SLIT3: variants seen among roughly 807,000 people sequenced by gnomAD.
SLIT3 encodes the protein slit guidance ligand 3, also known as slit homolog 3 protein.
In SLIT3, 68 loss-of-function variants were observed where a neutral mutation model predicts 184.0. That is an observed-to-expected ratio of 0.37 (90% CI 0.30 to 0.45). The LOEUF is 0.45. SLIT3 is among the 20% of genes least tolerant of loss of function. The probability of loss-of-function intolerance (pLI) is 1.00; values close to 1 mark genes in which losing one functional copy is unlikely to be tolerated. For synonymous variants in SLIT3, 831 were observed against 828.6 expected, an observed-to-expected ratio of 1.00 and a Z score of -0.05; for missense variants, 1,707 against 2,026.0, an observed-to-expected ratio of 0.84 and a Z score of 3.02.
Position 169,005,448 on chromosome 5 carries a change from T to TGAACG in SLIT3, c.414-122117_414-122113dup, listed in dbSNP as rs369879034. 2.5e-3 allele frequency among the ~76,000 whole-genome samples: 388 copies of TGAACG among 152,248 alleles called. 1 individual carries two copies. Among genetic ancestry groups the TGAACG allele is most frequent in the African/African-American group, 8.6e-3 (356 of 41,536 alleles). On this transcript the variant is annotated intron_variant, in intron 4 of 35. Transcript: ENST00000519560. ...GGAGAGTTCCTGGCCCATGGCAAGG[T>TGAACG]GAACGGTAAACATTATAACCAGTGT...
rs932219991 is a variant in SLIT3 at position 168,868,923 on chromosome 5, T to C, written c.485+14342A>G. Among the ~76,000 whole-genome samples the C allele has an allele frequency of 2.6e-5, 4 of 152,190 alleles. 1 individual carries two copies. The South Asian group carries it at 8.3e-4, about 32-fold the overall frequency. On this transcript the variant is annotated intron_variant, in intron 5 of 35. Transcript: ENST00000519560. Reference sequence around the variant, plus strand: ...GAAAGAGAAAATCTCACCTATTCTATTGGAGAATGGGATCTTTCTGGGGTA... The same window carrying C: ...GAAAGAGAAAATCTCACCTATTCTACTGGAGAATGGGATCTTTCTGGGGTA...
At chr5:168,841,636 C>T (rs1758255109) in intron 6 of SLIT3, among the ~76,000 whole-genome samples, 1 of 152,160 alleles carries the variant, frequency 6.6e-6, no homozygotes, top group African/African-American at 2.4e-5. Flanking sequence ...GGCTCACCTC[C>T]AATGTTCTCA....
chr5:168,714,161 A>G (rs1182171038), intron 23 of SLIT3, among the ~76,000 whole-genome samples: 2 of 152,212 alleles, frequency 1.3e-5, no homozygotes, highest in African/African-American at 2.4e-5. Flanking sequence ...CGAGTAAGGA[A>G]GAGCTAGAAG....
Position 169,148,481 on chromosome 5 carries a change from G to A in SLIT3, c.413+44998C>T, listed in dbSNP as rs182897257. 1.0e-3 allele frequency among the ~76,000 whole-genome samples: 158 copies of A among 152,334 alleles called. 1 individual carries two copies. Among genetic ancestry groups the A allele is most frequent in the Non-Finnish European group, 1.6e-3 (109 of 68,024 alleles). On this transcript the variant is annotated intron_variant, in intron 4 of 35. Coordinates refer to ENST00000519560, the MANE Select transcript of SLIT3 (RefSeq NM_003062.4). ...ATTTGGAATAAACATGTTTGGTGCT[G>A]CTAGCAGAGGTGTTTGTTTGCCTTC...
intron 16 of SLIT3, among the ~76,000 whole-genome samples, 199 bp downstream of exon 16, chr5:168,760,663 A>G (rs901974523): frequency 2.0e-5 from 3 of 152,072 alleles, no homozygotes; most frequent in African/African-American, 7.2e-5. Context: ...ATAACACTCA[A>G]CTGAAACCAT....
chr5:168,730,796 C>G (rs1396694409), intron 20 of SLIT3, among the ~76,000 whole-genome samples: 2 of 151,836 alleles, frequency 1.3e-5, no homozygotes, highest in East Asian at 3.9e-4. Context: ...AATTAACAAC[C>G]TAACATCATA....
chr5:168,757,504 G>T (rs1270625515), intron 16 of SLIT3, among the ~76,000 whole-genome samples: 1 of 152,078 alleles, frequency 6.6e-6, no homozygotes, highest in Non-Finnish European at 1.5e-5. Flanking sequence ...TGGGATCTCG[G>T]CTCACTGGAA....
At chr5:169,212,561 G>A (rs923597061) in intron 3 of SLIT3, among the ~76,000 whole-genome samples, 6 of 152,038 alleles carry the variant, frequency 3.9e-5, no homozygotes, top group Non-Finnish European at 7.4e-5. Flanking sequence ...CTCCCATTCT[G>A]TAGGTTGCCT....
At chr5:168,824,245 C>T (rs1243804682) in intron 6 of SLIT3, among the ~76,000 whole-genome samples, 1 of 152,186 alleles carries the variant, frequency 6.6e-6, no homozygotes, top group Admixed American at 6.5e-5. Context: ...GCCTTCAGCA[C>T]ATCTAATCTC....
At chr5:168,690,240 G>A (rs1761865754) in intron 29 of SLIT3, among the ~76,000 whole-genome samples, 1 of 151,564 alleles carries the variant, frequency 6.6e-6, no homozygotes, top group East Asian at 1.9e-4. Flanking sequence ...GGGTTCAAGC[G>A]ATTCTCCTGC....
At chr5:168,783,307 C>T (rs1024321607) in intron 12 of SLIT3, among the ~76,000 whole-genome samples, 1 of 152,030 alleles carries the variant, frequency 6.6e-6, no homozygotes, top group Non-Finnish European at 1.5e-5. Context: ...TCCAGAATGG[C>T]CAAGAATTTT....
At chr5:169,249,546 A>C (rs1239889344) in intron 2 of SLIT3, among the ~76,000 whole-genome samples, 5 of 152,240 alleles carry the variant, frequency 3.3e-5, no homozygotes, top group Non-Finnish European at 7.3e-5. Flanking sequence ...TTAGAAAATG[A>C]AGCATTAGGT....
intron 4 of SLIT3, among the ~76,000 whole-genome samples, chr5:168,959,487 C>A (rs552450867): frequency 1.3e-5 from 2 of 152,186 alleles, no homozygotes; most frequent in African/African-American, 2.4e-5. Context: ...TCATTGTCTG[C>A]GTCTGTGCAG....
intron 5 of SLIT3, among the ~76,000 whole-genome samples, chr5:168,854,511 C>G (rs1189868438): frequency 6.6e-6 from 1 of 152,088 alleles, no homozygotes; most frequent in Non-Finnish European, 1.5e-5. Context: ...GTGTCTGCAC[C>G]TTGAGAGGAT....
Position 168,789,623 on chromosome 5 carries a change from C to A in SLIT3, c.1016G>T (p.Ser339Ile). The A allele has an allele frequency of 1.9e-6, 3 of 1,613,320 alleles. No individual in the cohort carries two copies. Among genetic ancestry groups the A allele is most frequent in the Non-Finnish European group, 2.5e-6 (3 of 1,179,550 alleles). Residue 339 changes from serine to isoleucine, a missense_variant, in exon 11 of 36, where the codon AGC becomes ATC. Ser to Ile is a moderately radical substitution (Grantham distance 142, BLOSUM62 -2). Coordinates refer to ENST00000519560, the MANE Select transcript of SLIT3 (RefSeq NM_003062.4). ...QYKKLKRIDISKNQISDIAPD... is the reference protein window; with the variant it reads ...QYKKLKRIDIIKNQISDIAPD... ...AGCAATATCCGATATCTGATTCTTG[C>A]TGATGTCTCTGAAAACGTTAACGGT...
chr5:168,814,289 AG>A (rs1173818798), intron 8 of SLIT3, among the ~76,000 whole-genome samples: 1 of 152,078 alleles, frequency 6.6e-6, no homozygotes, highest in Admixed American at 6.5e-5. Flanking sequence ...CCAGCTACTC[AG>A]GAGGCTGAGG....
chr5:169,226,403 C>A (rs764518928), intron 3 of SLIT3, among the ~76,000 whole-genome samples: 1 of 152,134 alleles, frequency 6.6e-6, no homozygotes, highest in Non-Finnish European at 1.5e-5. Context: ...CCCACTACCC[C>A]CCTACTCAGT....
chr5:169,046,150 T>C (rs951056998), intron 4 of SLIT3, among the ~76,000 whole-genome samples: 1 of 152,138 alleles, frequency 6.6e-6, no homozygotes, highest in Non-Finnish European at 1.5e-5. Flanking sequence ...AGGTGCCTTA[T>C]TTTTGTGCTT....
intron 4 of SLIT3, among the ~76,000 whole-genome samples, chr5:169,129,931 C>A (rs964824370): frequency 1.8e-4 from 27 of 152,132 alleles, no homozygotes; most frequent in Non-Finnish European, 7.3e-5. Flanking sequence ...TCACTGCAAC[C>A]TCCACCTCCT....
Sources: gnomAD v4.1 joint callset for allele counts (sites outside exome capture counted in the v4.1 genomes callset) on GRCh38, gnomAD v4.1.1 for gene constraint, MANE v1.5 for transcripts, NCBI Gene and HGNC (gene_info 2026-07-23, HGNC 2026-07-21) for gene names.